The following PTPRC variants were observed in gnomAD, a reference collection of about 807,000 sequenced individuals.
The protein encoded by PTPRC is protein tyrosine phosphatase receptor type C, also known as receptor-type tyrosine-protein phosphatase C.
PTPRC carries 44 observed loss-of-function variants against 155.9 expected under a neutral mutation model. The ratio of observed to expected loss-of-function variants is 0.28; its 90% CI spans 0.22 to 0.36. The LOEUF (loss-of-function observed/expected upper bound fraction) is 0.36. PTPRC is among the 10% of genes least tolerant of loss of function. The pLI, the probability that PTPRC is intolerant of heterozygous loss-of-function variation, is 1.00. For synonymous variants in PTPRC, 525 were observed against 533.1 expected (o/e 0.98, Z 0.21); for missense variants, 1,401 against 1,564.6 (o/e 0.90, Z 1.76).
chr1:198,672,478 G>C (rs577646931), intron 2 of PTPRC, among the ~76,000 whole-genome samples: 1 of 151,820 alleles, frequency 6.6e-6, no homozygotes, highest in African/African-American at 2.4e-5. Context: ...TGTTTGGTTT[G>C]GTTTTGTTTA....
intron 2 of PTPRC, among the ~76,000 whole-genome samples, chr1:198,645,715 G>T (rs1460525747): frequency 6.6e-6 from 1 of 151,724 alleles, no homozygotes; most frequent in African/African-American, 2.4e-5. Flanking sequence ...GCAGATAAAG[G>T]GATAGTTTAA....
chr1:198,752,899 G>A (rs1655453239), intron 31 of PTPRC, 127 bp downstream of exon 31: 6 of 973,634 alleles, frequency 6.2e-6, no homozygotes, highest in African/African-American at 3.2e-5. Flanking sequence ...TTATGGAGTC[G>A]GTCACTCTCT....
intron 2 of PTPRC, among the ~76,000 whole-genome samples, chr1:198,673,021 A>G (rs1461730405): frequency 6.6e-6 from 1 of 152,160 alleles, no homozygotes; most frequent in Non-Finnish European, 1.5e-5. Flanking sequence ...TCTACCTTAC[A>G]TCTTGCTTTT....
chr1:198,642,759 G>A (rs920248541), intron 2 of PTPRC, among the ~76,000 whole-genome samples: 1 of 151,624 alleles, frequency 6.6e-6, no homozygotes, highest in Non-Finnish European at 1.5e-5. Context: ...AGCTTAAAAA[G>A]TAAAATAAAA....
chr1:198,710,145 A>G (rs1653218758), intron 11 of PTPRC, among the ~76,000 whole-genome samples: 1 of 152,130 alleles, frequency 6.6e-6, no homozygotes, highest in African/African-American at 2.4e-5. Flanking sequence ...GTAACAGTCT[A>G]ATTTCATTTT....
At chr1:198,696,114 C>T (rs759926752) in intron 3 of PTPRC, among the ~76,000 whole-genome samples, 3 of 151,416 alleles carry the variant, frequency 2.0e-5, no homozygotes, top group Admixed American at 6.6e-5. Flanking sequence ...GAGCCAAGAT[C>T]GTGCCACTGC....
intron 2 of PTPRC, among the ~76,000 whole-genome samples, chr1:198,664,755 C>T (rs1371372723): frequency 2.0e-5 from 3 of 152,130 alleles, no homozygotes; most frequent in Non-Finnish European, 4.4e-5. Context: ...TCTCCGAGGT[C>T]CCTTATAACC....
Position 198,748,094 on chromosome 1 carries a change from T to TG in PTPRC, c.2848-15_2848-14insG. 2 of 1,579,108 alleles carry TG rather than the reference T, an allele frequency of 1.3e-6. No homozygotes were observed. Among genetic ancestry groups the TG allele is most frequent in the Non-Finnish European group, 1.7e-6 (2 of 1,161,472 alleles). ...CATTTTAAAGGAGTTTTTCTGTTTTTTTTTTTTTTTTCAGAGACTTCCTTC... is the reference window on the plus strand; with the variant it reads ...CATTTTAAAGGAGTTTTTCTGTTTTTGTTTTTTTTTTTCAGAGACTTCCTTC... On this transcript the variant is annotated splice_polypyrimidine_tract_variant and intron_variant, in intron 26 of 32. Coordinates refer to ENST00000442510, the MANE Select transcript of PTPRC (RefSeq NM_002838.5).
At chr1:198,742,154 C>T (rs2102515564) in intron 24 of PTPRC, 78 bp from the exon 25 acceptor site, 1 of 1,605,844 alleles carries the variant, frequency 6.2e-7, no homozygotes, top group South Asian at 1.1e-5. Flanking sequence ...ATGGGAGAAG[C>T]TTAGATTCTT....
At chr1:198,742,501 A>G (rs568101017) in intron 25 of PTPRC, 134 bp downstream of exon 25, 12 of 1,130,698 alleles carry the variant, frequency 1.1e-5, no homozygotes, top group Admixed American at 8.3e-5. Context: ...CCTGAAAACT[A>G]AAACGTGGTA....
rs772450828 is a variant in PTPRC, at chr1:198,735,117, T to A, written c.2278-10T>A. ...AAAATTAAAATACTTAATAATTTTT[T>A]AAAATGTAGAACAAGTGTGCAGAAT... is the stretch of plus-strand genomic sequence containing the variant. On this transcript the variant is annotated splice_polypyrimidine_tract_variant and intron_variant, in intron 22 of 32. Coordinates refer to ENST00000442510, the MANE Select transcript of PTPRC (RefSeq NM_002838.5). 2.5e-6 allele frequency: 4 copies of A among 1,578,714 alleles called. No individual in the cohort carries two copies. The highest frequency in any genetic ancestry group is 4.6e-5 in the East Asian group (2 of 43,024).
intron 5 of PTPRC, chr1:198,700,151 A>G: frequency 5.2e-6 from 1 of 191,556 alleles, no homozygotes; most frequent in Non-Finnish European, 1.1e-5. Flanking sequence ...AATGAGAAAA[A>G]AAGAAAGGAA....
intron 5 of PTPRC, 162 bp downstream of exon 5, chr1:198,699,866 A>G: frequency 1.1e-6 from 1 of 903,160 alleles, no homozygotes; most frequent in Middle Eastern, 3.3e-4. Context: ...ACCACAGAAC[A>G]AATGTCCTTT....
intron 2 of PTPRC, among the ~76,000 whole-genome samples, chr1:198,665,632 TTA>T (rs1664247284): frequency 1.3e-5 from 2 of 152,204 alleles, no homozygotes; most frequent in African/African-American, 4.8e-5. Flanking sequence ...CTTCATGCAG[TTA>T]TATGTTTCCA....
chr1:198,712,899 G>T, intron 11 of PTPRC, 54 bp from the exon 12 acceptor site: 1 of 1,534,812 alleles, frequency 6.5e-7, no homozygotes, highest in Non-Finnish European at 9.0e-7. Context: ...TATGAAGAAT[G>T]CTTTATCCAT....
intron 2 of PTPRC, among the ~76,000 whole-genome samples, chr1:198,675,661 A>G (rs182986220): frequency 7.2e-4 from 110 of 152,300 alleles, no homozygotes; most frequent in African/African-American, 2.6e-3. Context: ...ACGTAAGACT[A>G]TTTTTATATC....
At chr1:198,671,491 G>T (rs1664644487) in intron 2 of PTPRC, among the ~76,000 whole-genome samples, 2 of 152,004 alleles carry the variant, frequency 1.3e-5, no homozygotes, top group African/African-American at 4.8e-5. Flanking sequence ...CTAGAACTTT[G>T]TCTCCTCTAC....
At chr1:198,640,355 C>T (rs115688042) in intron 2 of PTPRC, among the ~76,000 whole-genome samples, 29 of 151,752 alleles carry the variant, frequency 1.9e-4, no homozygotes, top group Non-Finnish European at 3.8e-4. Flanking sequence ...ACTTTGAAGT[C>T]TTTTTTTGAC....
chr1:198,740,405 C>G (rs866373427), intron 23 of PTPRC, among the ~76,000 whole-genome samples: 1 of 151,814 alleles, frequency 6.6e-6, no homozygotes, highest in South Asian at 2.1e-4. Flanking sequence ...TGGTGAAACC[C>G]CGTCTCTACT....
Sources: allele counts gnomAD v4.1 joint callset (sites outside exome capture counted in the v4.1 genomes callset), GRCh38; gene constraint gnomAD v4.1.1; transcripts MANE v1.5; gene names NCBI Gene and HGNC (gene_info 2026-07-23, HGNC 2026-07-21).